Variants in CUEDC1 observed in about 807,000 individuals in gnomAD.
CUEDC1 encodes the protein CUE domain containing 1, also known as CUE domain-containing protein 1.
Under a neutral mutation model 43.7 loss-of-function variants are expected in CUEDC1, and 30 were observed. That is an observed-to-expected ratio of 0.69 (90% CI 0.51 to 0.93). The LOEUF (loss-of-function observed/expected upper bound fraction) is 0.93, where lower values mean the gene tolerates loss of function less well. CUEDC1 is among the 40% of genes least tolerant of loss of function. CUEDC1 has a pLI of 0.00. For missense variants in CUEDC1, 486 were observed against 549.0 expected, an observed-to-expected ratio of 0.89 and a Z score of 1.15; for synonymous variants, 223 against 223.6, an observed-to-expected ratio of 1.00 and a Z score of 0.02.
At position 57,954,065 on chromosome 17, in the gene CUEDC1, G is replaced by A. The variant is rs992407562; in HGVS notation, c.-316+1160C>T. Among the ~76,000 whole-genome samples the A allele has an allele frequency of 1.3e-5, 2 of 152,170 alleles. No homozygotes were observed. The highest frequency in any genetic ancestry group is 1.9e-4 in the East Asian group (1 of 5,194). On this transcript the variant is annotated intron_variant, in intron 1 of 10. Coordinates refer to ENST00000577830, the MANE Select transcript of CUEDC1 (RefSeq NM_001271875.2). The surrounding 1 kb of genome is among the most constrained non-coding windows in gnomAD (Gnocchi z 4.3). ...ACCACATGGTGAGATGACTTCCTCC[G>A]TGAGAGAATTCCTGGGGTCCCTCAC...
chr17:57,897,486 C>A (rs201927311), intron 1 of CUEDC1, among the ~76,000 whole-genome samples: 1 of 151,286 alleles, frequency 6.6e-6, no homozygotes, highest in Non-Finnish European at 1.5e-5. Flanking sequence ...CTGGCTAACA[C>A]GGTGAAACCC....
chr17:57,891,042 C>A (rs7223166), intron 1 of CUEDC1, among the ~76,000 whole-genome samples: 57 of 152,188 alleles, frequency 3.7e-4, no homozygotes, highest in Admixed American at 1.4e-3. Flanking sequence ...GGGACCTTTT[C>A]CCGGGCTAGA....
At chr17:57,893,950 C>T (rs1293484156) in intron 1 of CUEDC1, among the ~76,000 whole-genome samples, 1 of 152,082 alleles carries the variant, frequency 6.6e-6, no homozygotes, top group South Asian at 2.1e-4. Flanking sequence ...AAAAATTAGC[C>T]AGGCATGGTG....
intron 7 of CUEDC1, 59 bp downstream of exon 7, chr17:57,869,063 G>A (rs1316987481): frequency 1.3e-6 from 2 of 1,569,458 alleles, no homozygotes; most frequent in Non-Finnish European, 1.7e-6. Flanking sequence ...ACTCCTGGGA[G>A]GCCACAGGGC....
At chr17:57,895,944 G>GC (rs560976866) in intron 1 of CUEDC1, among the ~76,000 whole-genome samples, 35 of 152,228 alleles carry the variant, frequency 2.3e-4, no homozygotes, top group South Asian at 1.0e-3. Context: ...CAGGCTGAAG[G>GC]CCCCCCCAGT....
rs373640908 is a variant in CUEDC1, at chr17:57,889,134, G to A, written c.-315-3255C>T. On this transcript the variant is annotated intron_variant, in intron 1 of 10. Coordinates refer to ENST00000577830, the MANE Select transcript of CUEDC1 (RefSeq NM_001271875.2). ...CTCAGACAAGTCTCCCATCCTCTCCGTGGCCCTAAGCCCTCATCTGGATGT... is the reference window on the plus strand; with the variant it reads ...CTCAGACAAGTCTCCCATCCTCTCCATGGCCCTAAGCCCTCATCTGGATGT... Among the ~76,000 whole-genome samples the A allele has an allele frequency of 9.9e-4, 151 of 152,294 alleles. 1 individual carries two copies. The highest frequency in any genetic ancestry group is 3.6e-3 in the African/African-American group (148 of 41,566).
At chr17:57,944,214 T>A (rs28698689) in intron 1 of CUEDC1, among the ~76,000 whole-genome samples, 21,182 of 135,298 alleles carry the variant, frequency 0.16, 1,560 homozygotes, top group African/African-American at 0.22. Context: ...ATATATATTT[T>A]TTTTTTTTTT....
intron 1 of CUEDC1, among the ~76,000 whole-genome samples, chr17:57,934,910 G>A (rs2074845665): frequency 6.6e-6 from 1 of 152,010 alleles, no homozygotes; most frequent in Non-Finnish European, 1.5e-5. Context: ...GTTTCGCCAT[G>A]TTGCTCAGGC....
At position 57,914,242 on chromosome 17, in the gene CUEDC1, C is replaced by T. The variant is rs368426562; in HGVS notation, c.-315-28363G>A. 2.0e-5 allele frequency among the ~76,000 whole-genome samples: 3 copies of T among 152,322 alleles called. No homozygotes were observed. In the East Asian group the frequency reaches 5.8e-4, roughly 29 times the overall value. On this transcript the variant is annotated intron_variant, in intron 1 of 10. Transcript: ENST00000577830. ...GTTATCCTAGGCACATTTTTCAAAACTGTAGGAAAACTATAGCAAATACTT... is the reference window on the plus strand; with the variant it reads ...GTTATCCTAGGCACATTTTTCAAAATTGTAGGAAAACTATAGCAAATACTT...
intron 1 of CUEDC1, among the ~76,000 whole-genome samples, chr17:57,896,487 GGTGTGT>G (rs1555660568): frequency 0.071 from 9,193 of 130,234 alleles, 413 homozygotes; most frequent in African/African-American, 0.13. Flanking sequence ...TGCATTATGG[GGTGTGT>G]GTGTGTGTGT....
At chr17:57,883,273 G>A (rs1368928362) in intron 2 of CUEDC1, among the ~76,000 whole-genome samples, 1 of 152,210 alleles carries the variant, frequency 6.6e-6, no homozygotes. Context: ...ACACAGGGAT[G>A]AGCCAGATGT....
At position 57,955,325 on chromosome 17, in the gene CUEDC1, G is replaced by A. The variant is rs1299469558; in HGVS notation, c.-416C>T. ...ATCCGCAGCGGTGGCGGCGGGGCCAGGCTCGGCGGCGGCGGCGCGGCTGGG... is the reference window on the plus strand; with the variant it reads ...ATCCGCAGCGGTGGCGGCGGGGCCAAGCTCGGCGGCGGCGGCGCGGCTGGG... On this transcript the variant is annotated 5_prime_UTR_variant, in exon 1 of 11. Transcript: ENST00000577830. The surrounding 1 kb of genome is among the most constrained non-coding windows in gnomAD (Gnocchi z 5.3). The A allele has an allele frequency of 4.7e-5, 7 of 148,974 alleles. No individual in the cohort carries two copies. The East Asian group carries it at 1.4e-3, about 29-fold the overall frequency. 9.2% of individuals were successfully genotyped at this position (148,974 alleles called of 1,614,324 possible).
In CUEDC1 at chr17:57,866,543, A is replaced by C. The variant is rs571322485; in HGVS notation, c.1095T>G (p.Asp365Glu). ...LLDDVEGHAC[D>E]EDFRGRRQEA... The stretch of plus-strand genomic sequence containing the variant: ...CCTGACGCCTGCCCCGGAAGTCTTC[A>C]TCTGAAAAGGAGAGGGAAGCTGCCT... Residue 365 changes from aspartate to glutamate, a missense_variant and splice_region_variant, in exon 10 of 11, where the codon GAT (aspartate) becomes GAG (glutamate). By Grantham distance (45) the Asp-to-Glu change is conservative (BLOSUM62 2). Coordinates refer to ENST00000577830, the MANE Select transcript of CUEDC1 (RefSeq NM_001271875.2). 6.2e-7 allele frequency: 1 copy of C among 1,614,128 alleles called. No homozygotes were observed. The highest frequency in any genetic ancestry group is 2.2e-5 in the East Asian group (1 of 44,880).
intron 1 of CUEDC1, chr17:57,914,941 G>A (rs1014573179): frequency 6.6e-6 from 1 of 152,240 alleles, no homozygotes; most frequent in African/African-American, 2.4e-5. Flanking sequence ...TTGGCAAGGT[G>A]CGTCCCCACA....
rs772891699 is a variant in CUEDC1 at position 57,872,773 on chromosome 17, C to T, written c.674G>A (p.Ser225Asn). 4.3e-6 allele frequency: 7 copies of T among 1,614,122 alleles called. No homozygotes were observed. Among genetic ancestry groups the T allele is most frequent in the Middle Eastern group, 1.6e-4 (1 of 6,084 alleles). Residue 225 changes from serine (S) to asparagine (N), a missense_variant, in exon 5 of 11, where the codon AGC (serine) becomes AAC (asparagine). Ser to Asn is a conservative substitution (Grantham distance 46). Transcript: ENST00000577830. ...MAGPGPGDQESRWKQYLEDER... is the reference protein window; with the variant it reads ...MAGPGPGDQENRWKQYLEDER... Reference sequence around the variant, plus strand: ...GTCCTCCAGGTACTGCTTCCAGCGGCTCTCCTGGTCTCCGGGCCCTGGCCC... The same window carrying T: ...GTCCTCCAGGTACTGCTTCCAGCGGTTCTCCTGGTCTCCGGGCCCTGGCCC...
chr17:57,917,297 C>T (rs1482646115), intron 1 of CUEDC1, among the ~76,000 whole-genome samples: 2 of 152,220 alleles, frequency 1.3e-5, no homozygotes, highest in African/African-American at 4.8e-5. Flanking sequence ...AGAGGCCCAG[C>T]AGATGGCAGC....
At chr17:57,904,911 A>G (rs2074512471) in intron 1 of CUEDC1, among the ~76,000 whole-genome samples, 2 of 152,114 alleles carry the variant, frequency 1.3e-5, no homozygotes, top group Non-Finnish European at 2.9e-5. Context: ...TCATCCCCCT[A>G]CCAAAGCAGC....
intron 1 of CUEDC1, among the ~76,000 whole-genome samples, chr17:57,942,399 T>C (rs1219080407): frequency 6.6e-6 from 1 of 152,146 alleles, no homozygotes. Flanking sequence ...TGGTTTGATT[T>C]GTTTTTTGAG....
chr17:57,879,179 T>C (rs966350029), intron 3 of CUEDC1, among the ~76,000 whole-genome samples: 11 of 152,330 alleles, frequency 7.2e-5, no homozygotes, highest in Admixed American at 4.6e-4. Flanking sequence ...TGCTGTGTTC[T>C]GTGTTAAGGA....
Sources: gnomAD v4.1 joint callset for allele counts (sites outside exome capture counted in the v4.1 genomes callset) on GRCh38, gnomAD v4.1.1 for gene constraint, Gnocchi (gnomAD v3.1) non-coding constraint, MANE v1.5 for transcripts, NCBI Gene and HGNC (gene_info 2026-07-23, HGNC 2026-07-21) for gene names.